NRG1: variants seen among roughly 807,000 people sequenced by gnomAD.
NRG1 encodes the protein pro-neuregulin-1, membrane-bound isoform.
A neutral mutation model predicts 63.8 loss-of-function variants in NRG1; 18 were observed. The observed-to-expected ratio is 0.28, with a 90% confidence interval of 0.19 to 0.42. NRG1 has a LOEUF of 0.42. NRG1 is among the 10% of genes least tolerant of loss of function. The pLI is 1.00. For synonymous variants in NRG1, 302 were observed against 301.3 expected (o/e 1.00, Z -0.02); for missense variants, 762 against 814.7 (o/e 0.94, Z 0.79).
At chr8:32,419,142 A>G (rs573275596) in intron 1 of NRG1, among the ~76,000 whole-genome samples, 1 of 152,314 alleles carries the variant, frequency 6.6e-6, no homozygotes, top group African/African-American at 2.4e-5. Context: ...ATCAAAATTA[A>G]AAGGTGGAAA....
intron 1 of NRG1, among the ~76,000 whole-genome samples, chr8:32,272,689 A>T (rs1332422367): frequency 6.6e-6 from 1 of 152,184 alleles, no homozygotes; most frequent in African/African-American, 2.4e-5. Flanking sequence ...AGTTCTTCAC[A>T]TAAATCAACC....
At chr8:32,154,847 C>A (rs1043021868) in intron 1 of NRG1, among the ~76,000 whole-genome samples, 2 of 152,116 alleles carry the variant, frequency 1.3e-5, no homozygotes, top group African/African-American at 4.8e-5. Context: ...ACAAGTCCAG[C>A]AAGGATACTT....
At chr8:32,212,836 T>G (rs1377628648) in intron 1 of NRG1, among the ~76,000 whole-genome samples, 7 of 152,232 alleles carry the variant, frequency 4.6e-5, no homozygotes. Context: ...AGCTCTTCTA[T>G]ATTCATATTT....
chr8:31,868,144 TCTTACACA>T (rs1420022949), intron 1 of NRG1, among the ~76,000 whole-genome samples: 6,023 of 111,004 alleles, frequency 0.054, 187 homozygotes, highest in Middle Eastern at 0.073. Flanking sequence ...CACACATACA[TCTTACACA>T]CACACACACA....
intron 1 of NRG1, chr8:32,139,530 T>C (rs1426653081): frequency 6.6e-6 from 1 of 152,202 alleles, no homozygotes; most frequent in East Asian, 1.9e-4. Context: ...CACTGTTACA[T>C]ATAGACAAAT....
intron 1 of NRG1, among the ~76,000 whole-genome samples, chr8:31,939,918 A>G (rs1322455363): frequency 2.0e-5 from 3 of 152,150 alleles, no homozygotes; most frequent in Non-Finnish European, 4.4e-5. Flanking sequence ...AATTTATAAA[A>G]TAATCACTAC....
At chr8:32,091,001 CG>C (rs1829047781) in intron 1 of NRG1, among the ~76,000 whole-genome samples, 1 of 152,156 alleles carries the variant, frequency 6.6e-6, no homozygotes. Flanking sequence ...GGAATTGGGC[CG>C]GGCGCGGTGG....
At chr8:32,607,932 G>A (rs1188823710) in intron 3 of NRG1, among the ~76,000 whole-genome samples, 3 of 151,954 alleles carry the variant, frequency 2.0e-5, no homozygotes, top group Non-Finnish European at 4.4e-5. Context: ...ATGCAAGTTG[G>A]CCTTCTTTTT....
Position 32,419,315 on chromosome 8 carries a change from A to G in NRG1, c.38-176513A>G, listed in dbSNP as rs545343112. Among the ~76,000 whole-genome samples, 14 of 152,322 alleles carry G rather than the reference A, an allele frequency of 9.2e-5. 2 individuals carry two copies. The South Asian group carries it at 2.9e-3, about 32-fold the overall frequency. ...TGTTAATATCTCCATACTGTTTTGC[A>G]GTAGGCGTTGGAACAGAGCTTCACA... On this transcript the variant is annotated intron_variant, in intron 1 of 10. Coordinates refer to the NRG1 transcript ENST00000519301.
intron 1 of NRG1, among the ~76,000 whole-genome samples, chr8:32,082,288 T>A (rs1054834431): frequency 2.6e-5 from 4 of 151,810 alleles, no homozygotes; most frequent in African/African-American, 9.7e-5. Context: ...GGGTTTGTAA[T>A]ACAGGTTACT....
At chr8:32,763,512 G>A (rs1831085706) in intron 11 of NRG1, among the ~76,000 whole-genome samples, 1 of 152,140 alleles carries the variant, frequency 6.6e-6, no homozygotes, top group African/African-American at 2.4e-5. Flanking sequence ...CAAAAGCTTT[G>A]ATGAGCTAGG....
At chr8:31,996,895 C>G (rs999227577) in intron 1 of NRG1, among the ~76,000 whole-genome samples, 1 of 151,844 alleles carries the variant, frequency 6.6e-6, no homozygotes. Context: ...ACAAGCTCAC[C>G]CACCCCATGC....
chr8:31,685,075 C>T (rs2131086182), intron 1 of NRG1, among the ~76,000 whole-genome samples: 1 of 152,178 alleles, frequency 6.6e-6, no homozygotes, highest in East Asian at 1.9e-4. Context: ...TACAGATTTG[C>T]CTCCTTAATT....
intron 5 of NRG1, among the ~76,000 whole-genome samples, chr8:32,650,124 A>G (rs1588975385): frequency 6.6e-6 from 1 of 152,328 alleles, no homozygotes; most frequent in South Asian, 2.1e-4. Context: ...ATCTAAGACC[A>G]TGTCAGAAAG....
chr8:32,749,629 C>CT, intron 7 of NRG1: 1 of 1,594,642 alleles, frequency 6.3e-7, no homozygotes, highest in Non-Finnish European at 8.6e-7. Context: ...AATTTAGAGC[C>CT]TATGAGCTGA....
intron 1 of NRG1, among the ~76,000 whole-genome samples, chr8:32,290,278 ATTAT>A (rs995030458): frequency 2.0e-5 from 3 of 152,052 alleles, no homozygotes; most frequent in African/African-American, 7.2e-5. Context: ...CTAATGCAAA[ATTAT>A]TTGATACTAT....
At chr8:32,690,321 C>T (rs1373094679) in intron 5 of NRG1, among the ~76,000 whole-genome samples, 1 of 152,084 alleles carries the variant, frequency 6.6e-6, no homozygotes, top group African/African-American at 2.4e-5. Context: ...CCCCCGCCCC[C>T]CACAGCAAGT....
At chr8:32,505,693 C>T (rs1269814419) in intron 1 of NRG1, among the ~76,000 whole-genome samples, 1 of 152,182 alleles carries the variant, frequency 6.6e-6, no homozygotes, top group Non-Finnish European at 1.5e-5. Context: ...CAGCGTTACA[C>T]AAAAGTGAGG....
chr8:32,273,355 A>G (rs1216145825), intron 1 of NRG1, among the ~76,000 whole-genome samples: 1 of 152,216 alleles, frequency 6.6e-6, no homozygotes, highest in Non-Finnish European at 1.5e-5. Flanking sequence ...GCACAAAAAC[A>G]ATCAAAAAGG....
Sources: allele counts gnomAD v4.1 joint callset (sites outside exome capture counted in the v4.1 genomes callset), GRCh38; gene constraint gnomAD v4.1.1; transcripts MANE v1.5; gene names NCBI Gene and HGNC (gene_info 2026-07-23, HGNC 2026-07-21).